The following CLEC16A variants were observed in gnomAD, a reference collection of about 807,000 sequenced individuals.
CLEC16A encodes protein CLEC16A.
A neutral mutation model predicts 109.5 loss-of-function variants in CLEC16A; 51 were observed. That is an observed-to-expected ratio of 0.47 (90% confidence interval 0.37 to 0.59). The LOEUF (loss-of-function observed/expected upper bound fraction) is 0.59, where lower values mean the gene tolerates loss of function less well. Ranked by LOEUF, CLEC16A falls within the 20% of genes least tolerant of loss-of-function variation. The pLI is 0.00. For synonymous variants in CLEC16A, 673 were observed against 564.2 expected (o/e 1.19, Z -2.73); for missense variants, 1,339 against 1,394.0 (o/e 0.96, Z 0.63).
chr16:11,145,680 G>GTGGC (rs1337214975), intron 22 of CLEC16A, among the ~76,000 whole-genome samples: 1 of 152,274 alleles, frequency 6.6e-6, no homozygotes. Context: ...AGGACAGCAG[G>GTGGC]TGGCTGGATT....
intron 19 of CLEC16A, among the ~76,000 whole-genome samples, chr16:11,085,690 G>A (rs1272530848): frequency 6.6e-6 from 1 of 152,242 alleles, no homozygotes; most frequent in Non-Finnish European, 1.5e-5. Flanking sequence ...CCCACTGTGT[G>A]GGACTCTGGT....
intron 19 of CLEC16A, among the ~76,000 whole-genome samples, chr16:11,113,971 G>A (rs561760039): frequency 3.3e-5 from 5 of 152,280 alleles, no homozygotes; most frequent in East Asian, 1.9e-4. Context: ...CCTTCAAAAC[G>A]GCTATGCTAA....
intron 10 of CLEC16A, among the ~76,000 whole-genome samples, chr16:10,987,259 G>A (rs1033488709): frequency 1.3e-5 from 2 of 152,054 alleles, no homozygotes; most frequent in African/African-American, 4.8e-5. Flanking sequence ...GTTTCCCCCA[G>A]TGGTAACATC....
chr16:11,109,442 C>T (rs887509033), intron 19 of CLEC16A, among the ~76,000 whole-genome samples: 35 of 152,272 alleles, frequency 2.3e-4, no homozygotes, highest in African/African-American at 7.9e-4. Context: ...GTATGAGCCA[C>T]CTCACTCAGC....
At position 11,174,767 on chromosome 16, in the gene CLEC16A, C is replaced by T. The variant is rs1177675991; in HGVS notation, c.2807-3568C>T. Among the ~76,000 whole-genome samples, 1 of 152,248 alleles carries T rather than the reference C, an allele frequency of 6.6e-6. No homozygotes were observed. Among genetic ancestry groups the T allele is most frequent in the South Asian group, 2.1e-4 (1 of 4,834 alleles). On this transcript the variant is annotated intron_variant, in intron 23 of 23. Transcript: ENST00000409790. This position sits in a 1 kb window ranked among gnomAD's most constrained non-coding sequence, Gnocchi z 4.7. ...CCTAGTCTTGATCTAAGATAAGTGG[C>T]AAATTCAGTCCTGTTTTGACCGGAA...
Position 11,179,797 on chromosome 16 carries a change from C to G in CLEC16A, c.*1107C>G, listed in dbSNP as rs879746128. 6.6e-6 allele frequency: 1 copy of G among 152,528 alleles called. No homozygotes were observed. The highest frequency in any genetic ancestry group is 1.9e-4 in the East Asian group (1 of 5,210). 9.4% of individuals were successfully genotyped at this position (152,528 alleles called of 1,614,324 possible). A position where few individuals can be genotyped will look rare whatever the true frequency, so the allele number is the denominator to read the frequency against. On this transcript the variant is annotated 3_prime_UTR_variant, in exon 24 of 24. Coordinates refer to ENST00000409790, the MANE Select transcript of CLEC16A (RefSeq NM_015226.3). The stretch of plus-strand genomic sequence containing the variant: ...GCAAGGGCATGGTGTCCCCAGAGCT[C>G]TGAGTCTGTCACTCTCCCTCTGCTA...
chr16:11,152,379 T>A (rs2054326552), intron 22 of CLEC16A, among the ~76,000 whole-genome samples: 1 of 152,338 alleles, frequency 6.6e-6, no homozygotes, highest in East Asian at 1.9e-4. Context: ...CTGCTACCCT[T>A]ATCTGTTCCC....
chr16:11,012,525 G>C (rs112096086), intron 11 of CLEC16A, among the ~76,000 whole-genome samples: 43 of 149,806 alleles, frequency 2.9e-4, no homozygotes, highest in Non-Finnish European at 5.9e-4. Flanking sequence ...AACCCGGGAG[G>C]CGGAGCTTGT....
At position 11,180,461 on chromosome 16, in the gene CLEC16A, TC is replaced by T. The variant is rs1367409321; in HGVS notation, c.*1774del. 3.9e-5 allele frequency: 6 copies of T among 152,380 alleles called. No individual in the cohort carries two copies. The highest frequency in any genetic ancestry group is 1.4e-4 in the African/African-American group (6 of 41,390). The allele number at this position is 152,380 out of a possible 1,614,324, so 9.4% of individuals were successfully genotyped here. On this transcript the variant is annotated 3_prime_UTR_variant, in exon 24 of 24. Coordinates refer to ENST00000409790, the MANE Select transcript of CLEC16A (RefSeq NM_015226.3). ...ACGACCACCGTGGCCATCTGCAGAA[TC>T]CCTGGAAGAGAAGGAAGGCAGGGTG...
intron 13 of CLEC16A, among the ~76,000 whole-genome samples, chr16:11,032,801 A>G (rs537573590): frequency 2.0e-4 from 31 of 152,328 alleles, no homozygotes; most frequent in Non-Finnish European, 2.9e-4. Flanking sequence ...AAAGTGGGCC[A>G]AGGTGAGGCT....
At position 11,120,979 on chromosome 16, in the gene CLEC16A, G is replaced by A. The variant is rs549079239; in HGVS notation, c.2268+213G>A. Among the ~76,000 whole-genome samples the A allele has an allele frequency of 1.8e-4, 27 of 152,204 alleles. 1 individual carries two copies. In the South Asian group the frequency reaches 5.0e-3, roughly 28 times the overall value. On this transcript the variant is annotated intron_variant, in intron 20 of 23. Coordinates refer to ENST00000409790, the MANE Select transcript of CLEC16A (RefSeq NM_015226.3). ...AAAGTCCTCTTTGACCAAAACGCTC[G>A]ATTCTTACACCTCCCCTCCACCAGA...
intron 1 of CLEC16A, among the ~76,000 whole-genome samples, chr16:10,953,448 A>C (rs2041832019): frequency 6.6e-6 from 1 of 152,212 alleles, no homozygotes; most frequent in Non-Finnish European, 1.5e-5. Context: ...TTTCCTTATA[A>C]CCTTGGGGTA....
chr16:11,108,445 G>A (rs1195172128), intron 19 of CLEC16A, among the ~76,000 whole-genome samples: 1 of 152,250 alleles, frequency 6.6e-6, no homozygotes, highest in Non-Finnish European at 1.5e-5. Flanking sequence ...TGCCTGTTGA[G>A]AGCTCACATC....
intron 19 of CLEC16A, among the ~76,000 whole-genome samples, chr16:11,086,824 A>C (rs1365058197): frequency 1.3e-5 from 2 of 152,128 alleles, no homozygotes; most frequent in Non-Finnish European, 1.5e-5. Context: ...GCCTTTCCAG[A>C]GCCTGGTGTC....
chr16:10,976,375 A>G (rs190902511), intron 7 of CLEC16A, among the ~76,000 whole-genome samples: 48 of 151,754 alleles, frequency 3.2e-4, no homozygotes, highest in Non-Finnish European at 5.9e-4. Context: ...ATACAGTTAG[A>G]CGGATAGAAA....
chr16:11,161,472 G>C (rs986243539), intron 22 of CLEC16A, among the ~76,000 whole-genome samples: 1 of 152,224 alleles, frequency 6.6e-6, no homozygotes, highest in Admixed American at 6.5e-5. Context: ...GTTCTTGGTA[G>C]GAGGTCTGAG....
intron 1 of CLEC16A, among the ~76,000 whole-genome samples, chr16:10,948,099 T>A (rs188039086): frequency 1.3e-5 from 2 of 152,148 alleles, no homozygotes; most frequent in East Asian, 1.9e-4. Flanking sequence ...TTCACCGTGT[T>A]AGCCAGGATG....
chr16:10,991,877 G>C (rs1315136482), intron 10 of CLEC16A, among the ~76,000 whole-genome samples: 1 of 152,226 alleles, frequency 6.6e-6, no homozygotes, highest in Non-Finnish European at 1.5e-5. Context: ...TGCCCTTTCT[G>C]GGCATTCCAG....
intron 19 of CLEC16A, among the ~76,000 whole-genome samples, chr16:11,117,814 G>A (rs2052111831): frequency 6.6e-6 from 1 of 152,296 alleles, no homozygotes; most frequent in African/African-American, 2.4e-5. Context: ...GGGACATTTA[G>A]GTTGTTTCCG....
Sources: allele counts gnomAD v4.1 joint callset (sites outside exome capture counted in the v4.1 genomes callset), GRCh38; gene constraint gnomAD v4.1.1; non-coding constraint Gnocchi (gnomAD v3.1); transcripts MANE v1.5; gene names NCBI Gene and HGNC (gene_info 2026-07-23, HGNC 2026-07-21).